Variants in ABI2 observed in about 807,000 individuals in gnomAD.
The protein encoded by ABI2 is abelson interactor 2.
A neutral mutation model predicts 59.2 loss-of-function variants in ABI2; 25 were observed. The ratio of observed to expected loss-of-function variants is 0.42; its 90% CI spans 0.31 to 0.59. The LOEUF is 0.59. ABI2 is among the 20% of genes least tolerant of loss of function. The pLI, the probability that ABI2 is intolerant of heterozygous loss-of-function variation, is 0.14. For missense variants in ABI2, 545 were observed against 681.8 expected (o/e 0.80, Z 2.23); for synonymous variants, 213 against 235.5 (o/e 0.90, Z 0.87).
chr2:203,350,226 A>G (rs777951390), intron 1 of ABI2, among the ~76,000 whole-genome samples: 2 of 152,114 alleles, frequency 1.3e-5, no homozygotes, highest in Non-Finnish European at 2.9e-5. Context: ...ATGGGTGTGC[A>G]TTACTATGCC....
At chr2:203,408,829 C>CTTTTTTTT (rs2097537098) in intron 9 of ABI2, among the ~76,000 whole-genome samples, 1 of 69,232 alleles carries the variant, frequency 1.4e-5, no homozygotes, top group Non-Finnish European at 4.1e-5. Flanking sequence ...CTACCTTCTC[C>CTTTTTTTT]TTTCTTTTTT....
intron 5 of ABI2, among the ~76,000 whole-genome samples, chr2:203,392,238 G>A (rs1355776461): frequency 6.6e-6 from 1 of 151,582 alleles, no homozygotes; most frequent in Non-Finnish European, 1.5e-5. Flanking sequence ...GTTTTTAATT[G>A]ACAGTCTTGT....
intron 10 of ABI2, among the ~76,000 whole-genome samples, chr2:203,412,902 C>A (rs1244864478): frequency 6.6e-6 from 1 of 152,196 alleles, no homozygotes; most frequent in Non-Finnish European, 1.5e-5. Flanking sequence ...GAAGGACTTT[C>A]CAATGCTGGT....
chr2:203,332,740 A>G (rs2074419390), intron 1 of ABI2, among the ~76,000 whole-genome samples: 1 of 152,242 alleles, frequency 6.6e-6, no homozygotes, highest in Non-Finnish European at 1.5e-5. Flanking sequence ...TTTTATTACA[A>G]TATAGTTGTC....
At chr2:203,402,030 G>T (rs2153447285) in intron 8 of ABI2, among the ~76,000 whole-genome samples, 1 of 152,172 alleles carries the variant, frequency 6.6e-6, no homozygotes, top group East Asian at 1.9e-4. Context: ...ATAGTGTTAA[G>T]TAGCAAACTA....
chr2:203,399,579 G>A (rs189685671), intron 8 of ABI2, among the ~76,000 whole-genome samples: 1 of 152,142 alleles, frequency 6.6e-6, no homozygotes, highest in African/African-American at 2.4e-5. Context: ...GCAATGGCAG[G>A]ATCTCAGCTC....
At chr2:203,355,195 C>G in intron 1 of ABI2, 1 of 408,850 alleles carries the variant, frequency 2.4e-6, no homozygotes, top group African/African-American at 2.0e-5. Flanking sequence ...TGCTTCCTGA[C>G]AAAGAATACA....
chr2:203,419,272 G>A (rs888145954), intron 11 of ABI2, among the ~76,000 whole-genome samples: 3 of 151,238 alleles, frequency 2.0e-5, no homozygotes, highest in East Asian at 2.0e-4. Flanking sequence ...ACCGCGCCCC[G>A]CTAATTTTTT....
At position 203,370,526 on chromosome 2, in the gene ABI2, C is replaced by A. The variant is rs2095063375; in HGVS notation, c.285+3482C>A. ...TTAAAACTATTCTTAGCTTCTGGGC[C>A]ATATAAAAGCAGGCAGCGGGCCACA... On this transcript the variant is annotated intron_variant, in intron 2 of 11. Transcript: ENST00000261018. 2.0e-5 allele frequency among the ~76,000 whole-genome samples: 3 copies of A among 152,136 alleles called. No homozygotes were observed. In the South Asian group the frequency reaches 6.2e-4, roughly 32 times the overall value.
At chr2:203,414,640 C>G (rs1013972537) in intron 10 of ABI2, among the ~76,000 whole-genome samples, 1 of 152,224 alleles carries the variant, frequency 6.6e-6, no homozygotes, top group African/African-American at 2.4e-5. Context: ...GCCCTTTTCT[C>G]AATGCTGAGC....
Position 203,430,638 on chromosome 2 carries a change from C to T in ABI2, c.*3286C>T, listed in dbSNP as rs925136373. The T allele has an allele frequency of 2.0e-5, 3 of 152,204 alleles. No individual in the cohort carries two copies. The highest frequency in any genetic ancestry group is 4.4e-5 in the Non-Finnish European group (3 of 68,040). The allele number at this position is 152,204 out of a possible 1,614,324, so 9.4% of individuals were successfully genotyped here. ...AATATTTTCCATCATTTAGCTACTT[C>T]CTATCTCCCTCAGAGGCGCCTGCTG... On this transcript the variant is annotated 3_prime_UTR_variant, in exon 12 of 12. Transcript: ENST00000261018.
At chr2:203,331,851 C>G (rs1054500580) in intron 1 of ABI2, among the ~76,000 whole-genome samples, 3 of 148,362 alleles carry the variant, frequency 2.0e-5, no homozygotes, top group African/African-American at 7.5e-5. Context: ...ACTCTGTCGC[C>G]CAGGCTGGAG....
intron 1 of ABI2, 72 bp downstream of exon 1, chr2:203,328,703 C>T: frequency 9.7e-7 from 1 of 1,028,202 alleles, no homozygotes. Context: ...GGGCGTGGGG[C>T]CGAGGCCGCC....
chr2:203,337,902 C>T (rs900222651), intron 1 of ABI2, among the ~76,000 whole-genome samples: 2 of 152,150 alleles, frequency 1.3e-5, no homozygotes, highest in African/African-American at 2.4e-5. Flanking sequence ...TGCTGGCACA[C>T]GCCTGTAGTC....
chr2:203,369,833 G>C (rs2094937209), intron 2 of ABI2, among the ~76,000 whole-genome samples: 1 of 152,082 alleles, frequency 6.6e-6, no homozygotes, highest in African/African-American at 2.4e-5. Context: ...CTGAGAAATA[G>C]GCTGATAGAG....
At chr2:203,348,807 T>C (rs920420122) in intron 1 of ABI2, among the ~76,000 whole-genome samples, 3 of 151,924 alleles carry the variant, frequency 2.0e-5, no homozygotes, top group South Asian at 2.1e-4. Context: ...ATCATTATAA[T>C]TGATGAATCT....
At chr2:203,346,792 A>G (rs1451827799) in intron 1 of ABI2, among the ~76,000 whole-genome samples, 1 of 152,206 alleles carries the variant, frequency 6.6e-6, no homozygotes, top group Non-Finnish European at 1.5e-5. Flanking sequence ...ACCTGTGGCC[A>G]AAAGGAGGGG....
chr2:203,363,506 T>A (rs1430536192), intron 1 of ABI2, among the ~76,000 whole-genome samples: 1 of 148,862 alleles, frequency 6.7e-6, no homozygotes, highest in African/African-American at 2.5e-5. Flanking sequence ...TCCCTCTACC[T>A]CCTCCTGTCC....
At position 203,427,598 on chromosome 2, in the gene ABI2, A is replaced by C. The variant is rs1004311153; in HGVS notation, c.*246A>C. 2.6e-6 allele frequency: 1 copy of C among 380,200 alleles called. No homozygotes were observed. The highest frequency in any genetic ancestry group is 2.0e-5 in the African/African-American group (1 of 50,320). The allele number at this position is 380,200 out of a possible 1,614,324, so 23.6% of individuals were successfully genotyped here. A position where few individuals can be genotyped will look rare whatever the true frequency, so the allele number is the denominator to read the frequency against. On this transcript the variant is annotated 3_prime_UTR_variant, in exon 12 of 12. Transcript: ENST00000261018. ...TGAAATAAAATGACCATTTTTATGT[A>C]TGTCAAAGGTATAACAGCATAACTG...
Sources: gnomAD v4.1 joint callset for allele counts (sites outside exome capture counted in the v4.1 genomes callset) on GRCh38, gnomAD v4.1.1 for gene constraint, MANE v1.5 for transcripts, NCBI Gene and HGNC (gene_info 2026-07-23, HGNC 2026-07-21) for gene names.